Variants in TDO2 observed in about 807,000 individuals in gnomAD.
TDO2 encodes the protein tryptamin 2,3-dioxygenase.
TDO2 carries 63 observed loss-of-function variants against 61.2 expected under a neutral mutation model. That is an observed-to-expected ratio of 1.03 (90% CI 0.84 to 1.27). The LOEUF is 1.27. Ranked by LOEUF, TDO2 falls within the 50% of genes most tolerant of loss-of-function variation. TDO2 has a pLI of 0.00. For missense variants in TDO2, 494 were observed against 469.5 expected (o/e 1.05, Z -0.48); for synonymous variants, 183 against 164.0 (o/e 1.12, Z -0.89).
At chr4:155,913,392 C>T (rs1176729827) in intron 7 of TDO2, among the ~76,000 whole-genome samples, 1 of 152,080 alleles carries the variant, frequency 6.6e-6, no homozygotes, top group African/African-American at 2.4e-5. Flanking sequence ...GTGTTCTTCT[C>T]TGGGCTTGGA....
intron 9 of TDO2, 123 bp downstream of exon 9, chr4:155,916,035 C>G: frequency 1.3e-6 from 1 of 793,574 alleles, no homozygotes; most frequent in Non-Finnish European, 1.9e-6. Context: ...TTGTAGAAAA[C>G]TTGGAAGATA....
In TDO2 at chr4:155,905,082, A is replaced by G. The variant is rs766305754; in HGVS notation, c.157A>G (p.Asn53Asp). Residue 53 changes from asparagine (N) to aspartate (D), a missense_variant, in exon 3 of 12, where the codon AAT becomes GAT. Physicochemically the swap from Asn to Asp is conservative, Grantham distance 23. Coordinates refer to ENST00000536354, the MANE Select transcript of TDO2 (RefSeq NM_005651.4). Reference sequence around the variant, plus strand: ...TCATTTCAAGTTGGAAAAAGTTTTGAATGCACAAGAACTGCAAAGTGAAAC... The same window carrying G: ...TCATTTCAAGTTGGAAAAAGTTTTGGATGCACAAGAACTGCAAAGTGAAAC... ...GNYLHLEKVL[N>D]AQELQSETKG... 7 of 1,586,898 alleles carry G rather than the reference A, an allele frequency of 4.4e-6. No individual in the cohort carries two copies. The highest frequency in any genetic ancestry group is 5.1e-6 in the Non-Finnish European group (6 of 1,170,516).
intron 6 of TDO2, among the ~76,000 whole-genome samples, chr4:155,910,935 G>A (rs1742817286): frequency 6.6e-6 from 1 of 152,016 alleles, no homozygotes; most frequent in African/African-American, 2.4e-5. Flanking sequence ...AATAAGTATA[G>A]GTTAAATGAG....
intron 6 of TDO2, 74 bp downstream of exon 6, chr4:155,910,285 TA>T: frequency 8.6e-7 from 1 of 1,157,724 alleles, no homozygotes; most frequent in Non-Finnish European, 1.2e-6. Flanking sequence ...ATCAGAATTT[TA>T]AAAACGTATA....
At chr4:155,905,359 C>T (rs1488279260) in intron 3 of TDO2, 3 of 463,596 alleles carry the variant, frequency 6.5e-6, no homozygotes, top group Non-Finnish European at 1.1e-5. Flanking sequence ...TACTCCTCTG[C>T]TAATAGGTGA....
chr4:155,912,172 G>A (rs1742846999), intron 7 of TDO2, among the ~76,000 whole-genome samples: 1 of 152,134 alleles, frequency 6.6e-6, no homozygotes. Context: ...TGCTACTTGG[G>A]TTCCATTTCC....
At chr4:155,917,600 CT>C in intron 10 of TDO2, 126 bp downstream of exon 10, 1 of 704,226 alleles carries the variant, frequency 1.4e-6, no homozygotes, top group Non-Finnish European at 2.3e-6. Context: ...TGGGTGCATT[CT>C]TTTATACAAA....
At chr4:155,909,046 T>C (rs777979542) in intron 5 of TDO2, 32 bp downstream of exon 5, 3 of 1,566,608 alleles carry the variant, frequency 1.9e-6, no homozygotes, top group Non-Finnish European at 2.6e-6. Context: ...AAAAATGTGA[T>C]GGAATTTACT....
chr4:155,906,547 A>G (rs575872780), intron 3 of TDO2: 2 of 152,280 alleles, frequency 1.3e-5, no homozygotes, highest in East Asian at 3.9e-4. Flanking sequence ...TCTAATTATT[A>G]CATTGTCTAT....
intron 2 of TDO2, 77 bp downstream of exon 2, chr4:155,904,200 T>C (rs1742677958): frequency 2.8e-6 from 3 of 1,076,324 alleles, no homozygotes; most frequent in Non-Finnish European, 1.4e-6. Flanking sequence ...TTTATGATTT[T>C]ATTTCTTGGA....
At chr4:155,910,250 ATCT>A (rs757810917) in intron 6 of TDO2, 39 bp downstream of exon 6, 5 of 1,459,806 alleles carry the variant, frequency 3.4e-6, no homozygotes, top group African/African-American at 1.5e-5. Context: ...AACTCAATAC[ATCT>A]TCTTAATTTA....
chr4:155,903,905 T>C, intron 1 of TDO2, 112 bp downstream of exon 1: 2 of 1,506,556 alleles, frequency 1.3e-6, no homozygotes, highest in Non-Finnish European at 9.2e-7. Context: ...TATTCCTTTG[T>C]CTAACAATCT....
intron 4 of TDO2, among the ~76,000 whole-genome samples, chr4:155,908,233 A>AAGGGGAAT (rs1742755528): frequency 6.6e-6 from 1 of 152,058 alleles, no homozygotes; most frequent in Non-Finnish European, 1.5e-5. Context: ...AAAGGGGGAA[A>AAGGGGAAT]AGGGGAATGG....
chr4:155,908,860 C>T lies in TDO2; in HGVS notation c.304-27C>T. On this transcript the variant is annotated intron_variant, in intron 4 of 11. Transcript: ENST00000536354. ...ATTTTCTAGAGGTCAGCATTGCTAA[C>T]TCAGTGTTTCATTTCTTAACCTTCA... 2.5e-6 allele frequency: 4 copies of T among 1,597,616 alleles called. No individual in the cohort carries two copies. In the South Asian group the frequency reaches 4.5e-5, roughly 18 times the overall value.
chr4:155,917,273 C>A, intron 9 of TDO2, 122 bp from the exon 10 acceptor site: 1 of 694,874 alleles, frequency 1.4e-6, no homozygotes, highest in Non-Finnish European at 2.3e-6. Flanking sequence ...AAAGCTGCCA[C>A]AGCTCCTCAC....
chr4:155,904,015 C>T lies in TDO2; in HGVS notation c.36-3C>T. 6.2e-7 allele frequency: 1 copy of T among 1,611,994 alleles called. No homozygotes were observed. The highest frequency in any genetic ancestry group is 8.5e-7 in the Non-Finnish European group (1 of 1,178,388). On this transcript the variant is annotated splice_region_variant and splice_polypyrimidine_tract_variant and intron_variant, in intron 1 of 11. Coordinates refer to ENST00000536354, the MANE Select transcript of TDO2 (RefSeq NM_005651.4). Reference sequence around the variant, plus strand: ...TTTCCCTCTTGATTTATTAAATTTGCAGATATACTTTTAAAAAACTCCCCG... The same window carrying T: ...TTTCCCTCTTGATTTATTAAATTTGTAGATATACTTTTAAAAAACTCCCCG...
At chr4:155,917,831 AT>A (rs1742970793) in intron 10 of TDO2, among the ~76,000 whole-genome samples, 6 of 152,046 alleles carry the variant, frequency 3.9e-5, no homozygotes. Context: ...TAGTTTTTTT[AT>A]TTTTTTAAAT....
intron 11 of TDO2, 116 bp from the exon 12 acceptor site, chr4:155,919,721 A>G: frequency 1.3e-6 from 1 of 798,484 alleles, no homozygotes; most frequent in Non-Finnish European, 1.9e-6. Flanking sequence ...CATGCAATAT[A>G]TATTATAATA....
intron 10 of TDO2, 22 bp from the exon 11 acceptor site, chr4:155,918,127 G>A (rs371520291): frequency 6.2e-7 from 1 of 1,609,422 alleles, no homozygotes; most frequent in Non-Finnish European, 8.5e-7. Flanking sequence ...TATCCATGGA[G>A]TAAATTTGTA....
Sources: allele counts gnomAD v4.1 joint callset (sites outside exome capture counted in the v4.1 genomes callset), GRCh38; gene constraint gnomAD v4.1.1; transcripts MANE v1.5; gene names NCBI Gene and HGNC (gene_info 2026-07-23, HGNC 2026-07-21).